TSEN2: variants seen among roughly 807,000 people sequenced by gnomAD.
The protein encoded by TSEN2 is tRNA-splicing endonuclease subunit Sen2.
Under a neutral mutation model 59.2 loss-of-function variants are expected in TSEN2, and 54 were observed. That is an observed-to-expected ratio of 0.91 (90% CI 0.73 to 1.14). TSEN2 has a LOEUF of 1.14. Ranked by LOEUF, TSEN2 falls within the 50% of genes most tolerant of loss-of-function variation. The pLI is 0.00. For synonymous variants in TSEN2, 195 were observed against 198.2 expected, an observed-to-expected ratio of 0.98 and a Z score of 0.14; for missense variants, 636 against 576.2, an observed-to-expected ratio of 1.10 and a Z score of -1.06.
At chr3:12,529,537 G>T (rs1349435566) in intron 9 of TSEN2, among the ~76,000 whole-genome samples, 3 of 151,390 alleles carry the variant, frequency 2.0e-5, no homozygotes, top group African/African-American at 7.3e-5. Flanking sequence ...CTTTCACATT[G>T]GGAAAAGTAT....
At chr3:12,536,627 A>G (rs1057261987), downstream of TSEN2, among the ~76,000 whole-genome samples, 1 of 152,168 alleles carries the variant, frequency 6.6e-6, no homozygotes, top group African/African-American at 2.4e-5. Context: ...ACTGAGCAAC[A>G]TTGCCATCTG....
At chr3:12,501,992 C>A (rs1282561247) in intron 4 of TSEN2, among the ~76,000 whole-genome samples, 1 of 152,136 alleles carries the variant, frequency 6.6e-6, no homozygotes, top group African/African-American at 2.4e-5. Flanking sequence ...GTGTTAGCTT[C>A]AAGTTTTAGA....
chr3:12,527,743 A>G (rs954480243), intron 8 of TSEN2, among the ~76,000 whole-genome samples: 1 of 152,182 alleles, frequency 6.6e-6, no homozygotes, highest in African/African-American at 2.4e-5. Context: ...ATCAACTCCA[A>G]AAGATGCTTT....
intron 8 of TSEN2, 79 bp from the exon 9 acceptor site, chr3:12,528,809 A>G: frequency 6.7e-7 from 1 of 1,503,524 alleles, no homozygotes; most frequent in Non-Finnish European, 9.2e-7. Flanking sequence ...AAGTTAATAA[A>G]GCAAGCTTTT....
chr3:12,509,671 C>T (rs2125090991), intron 6 of TSEN2, among the ~76,000 whole-genome samples: 1 of 152,252 alleles, frequency 6.6e-6, no homozygotes, highest in Middle Eastern at 3.4e-3. Context: ...CATGGCAGCA[C>T]CCCAGTAAGG....
At chr3:12,523,124 T>C (rs1455749997) in intron 8 of TSEN2, among the ~76,000 whole-genome samples, 1 of 152,150 alleles carries the variant, frequency 6.6e-6, no homozygotes, top group Admixed American at 6.6e-5. Context: ...CCTATCTTCC[T>C]ACCATACCTA....
chr3:12,526,419 A>C (rs117974359), intron 8 of TSEN2, among the ~76,000 whole-genome samples: 173 of 152,284 alleles, frequency 1.1e-3, no homozygotes, highest in African/African-American at 3.7e-3. Flanking sequence ...ATTGTGTTAT[A>C]ATTGTCTACA....
At position 12,527,929 on chromosome 3, in the gene TSEN2, T is replaced by C. The variant is rs115105200; in HGVS notation, c.1100-959T>C. Among the ~76,000 whole-genome samples, 106 of 152,210 alleles carry C rather than the reference T, an allele frequency of 7.0e-4. 1 individual carries two copies. The highest frequency in any genetic ancestry group is 2.4e-3 in the African/African-American group (101 of 41,538). ...CCACAGACCATGTGCCTCTGAAGGGTTCCCTGCCAGATTCCAGAGTCTGTG... is the reference window on the plus strand; with the variant it reads ...CCACAGACCATGTGCCTCTGAAGGGCTCCCTGCCAGATTCCAGAGTCTGTG... On this transcript the variant is annotated intron_variant, in intron 8 of 11. Coordinates refer to ENST00000284995, the MANE Select transcript of TSEN2 (RefSeq NM_025265.4).
upstream of TSEN2, among the ~76,000 whole-genome samples, chr3:12,482,840 G>A (rs544879529): frequency 5.3e-5 from 8 of 152,240 alleles, no homozygotes; most frequent in African/African-American, 1.9e-4. Flanking sequence ...GCATGTTCTG[G>A]TCGGATATTA....
Position 12,503,372 on chromosome 3 carries a change from C to CTGT in TSEN2, c.420_422dup (p.Val141dup), listed in dbSNP as rs2054494624. On this transcript the variant is annotated inframe_insertion, in exon 5 of 12. Coordinates refer to ENST00000284995, the MANE Select transcript of TSEN2 (RefSeq NM_025265.4). ...TACACGAAACCGCTTGAGCATCCTCCTGTGAAAAGGAATGAAGAGGCTCAA... is the reference window on the plus strand; with the variant it reads ...TACACGAAACCGCTTGAGCATCCTCCTGTTGTGAAAAGGAATGAAGAGGCTCAA... 1.9e-6 allele frequency: 3 copies of CTGT among 1,614,096 alleles called. No homozygotes were observed. Among genetic ancestry groups the CTGT allele is most frequent in the African/African-American group, 1.3e-5 (1 of 74,932 alleles).
At chr3:12,485,229 T>G (rs1345744553) in intron 1 of TSEN2, among the ~76,000 whole-genome samples, 2 of 152,184 alleles carry the variant, frequency 1.3e-5, no homozygotes, top group Non-Finnish European at 2.9e-5. Flanking sequence ...TAACCAGGTT[T>G]GTTTGGCACC....
intron 4 of TSEN2, among the ~76,000 whole-genome samples, chr3:12,499,916 C>CT (rs1286290889): frequency 6.6e-6 from 1 of 152,188 alleles, no homozygotes; most frequent in Non-Finnish European, 1.5e-5. Flanking sequence ...CTAAACCACT[C>CT]TGCTGTGCAC....
intron 6 of TSEN2, among the ~76,000 whole-genome samples, chr3:12,515,378 A>C (rs1284650198): frequency 6.6e-6 from 1 of 152,226 alleles, no homozygotes; most frequent in African/African-American, 2.4e-5. Flanking sequence ...CCCACACTGC[A>C]CAAGAGGGGC....
chr3:12,509,468 G>C (rs1232866790), intron 6 of TSEN2, among the ~76,000 whole-genome samples: 1 of 152,186 alleles, frequency 6.6e-6, no homozygotes, highest in South Asian at 2.1e-4. Context: ...CCAAAGTGCT[G>C]AGATTATAGT....
At position 12,531,351 on chromosome 3, in the gene TSEN2, A is replaced by T. The variant is rs1383911079; in HGVS notation, c.1249-219A>T. ...GTGTTTATAATCAATGTATCTGCTT[A>T]TATCTGTTGCCATGTTCAGTGATTA... is the stretch of plus-strand genomic sequence containing the variant. On this transcript the variant is annotated intron_variant, in intron 10 of 11. Transcript: ENST00000284995. 7.1e-6 allele frequency: 4 copies of T among 561,598 alleles called. No individual in the cohort carries two copies. The African/African-American group carries it at 7.5e-5, about 11-fold the overall frequency. 34.8% of individuals were successfully genotyped at this position (561,598 alleles called of 1,614,324 possible). A position where few individuals can be genotyped will look rare whatever the true frequency, so the allele number is the denominator to read the frequency against.
chr3:12,518,103 A>G (rs1257878586), intron 7 of TSEN2, among the ~76,000 whole-genome samples: 3 of 152,128 alleles, frequency 2.0e-5, no homozygotes, highest in Admixed American at 6.5e-5. Context: ...TTTTGTTGTC[A>G]TTGTATTTTT....
At chr3:12,521,062 G>A (rs1324752013) in intron 8 of TSEN2, among the ~76,000 whole-genome samples, 1 of 152,172 alleles carries the variant, frequency 6.6e-6, no homozygotes, top group African/African-American at 2.4e-5. Flanking sequence ...TCCTGTGTTA[G>A]TTTGCTAAGG....
intron 3 of TSEN2, among the ~76,000 whole-genome samples, chr3:12,495,954 C>T (rs1177177449): frequency 2.0e-5 from 3 of 152,130 alleles, no homozygotes; most frequent in Middle Eastern, 3.2e-3. Context: ...AGCAGGAGCC[C>T]GCCTGTCAGA....
At chr3:12,481,008 C>T (rs1423690738), upstream of TSEN2, among the ~76,000 whole-genome samples, 8 of 152,168 alleles carry the variant, frequency 5.3e-5, no homozygotes, top group Non-Finnish European at 8.8e-5. Flanking sequence ...TCTCACAGCC[C>T]TGTTATGAGA....
Sources: allele counts gnomAD v4.1 joint callset (sites outside exome capture counted in the v4.1 genomes callset), GRCh38; gene constraint gnomAD v4.1.1; transcripts MANE v1.5; gene names NCBI Gene and HGNC (gene_info 2026-07-23, HGNC 2026-07-21).